The following TRIO variants were observed in gnomAD, a reference collection of about 807,000 sequenced individuals.
TRIO encodes the protein trio Rho guanine nucleotide exchange factor, also known as triple functional domain protein.
In TRIO, 58 loss-of-function variants were observed where a neutral mutation model predicts 351.9. That is an observed-to-expected ratio of 0.16 (90% confidence interval 0.13 to 0.21). The LOEUF is 0.21. Ranked by LOEUF, TRIO falls within the 10% of genes least tolerant of loss-of-function variation. The probability of loss-of-function intolerance (pLI) is 1.00; values close to 1 mark genes in which losing one functional copy is unlikely to be tolerated. For synonymous variants in TRIO, 1,758 were observed against 1,595.7 expected, an observed-to-expected ratio of 1.10 and a Z score of -2.42; for missense variants, 3,201 against 4,027.8, an observed-to-expected ratio of 0.79 and a Z score of 5.56.
chr5:14,233,483 CTCTG>C (rs1196651070), intron 1 of TRIO, among the ~76,000 whole-genome samples: 1 of 151,836 alleles, frequency 6.6e-6, no homozygotes, highest in African/African-American at 2.4e-5. Context: ...GAATGAGACT[CTCTG>C]TCAAAAGAAA....
intron 53 of TRIO, among the ~76,000 whole-genome samples, chr5:14,501,437 G>A (rs987209821): frequency 6.6e-6 from 1 of 152,238 alleles, no homozygotes; most frequent in African/African-American, 2.4e-5. Flanking sequence ...GTTTCTGGGA[G>A]GCTGCAGAGG....
intron 33 of TRIO, among the ~76,000 whole-genome samples, chr5:14,411,803 A>C (rs191908157): frequency 1.3e-4 from 19 of 151,840 alleles, no homozygotes; most frequent in Non-Finnish European, 1.5e-4. Context: ...GACAGTATCG[A>C]ACTGTGTTTC....
At chr5:14,480,102 GGGGA>G in intron 43 of TRIO, 91 bp downstream of exon 43, 2 of 1,186,212 alleles carry the variant, frequency 1.7e-6, no homozygotes, top group Non-Finnish European at 2.5e-6. Context: ...TGGTAGGACA[GGGGA>G]ATCATCTGTG....
intron 9 of TRIO, among the ~76,000 whole-genome samples, chr5:14,321,660 A>T (rs1174959193): frequency 6.6e-6 from 1 of 152,170 alleles, no homozygotes; most frequent in African/African-American, 2.4e-5. Flanking sequence ...AAGGCCAGGA[A>T]CCTGGTTAGG....
chr5:14,504,153 C>T (rs1008419965), intron 54 of TRIO, among the ~76,000 whole-genome samples: 22 of 152,300 alleles, frequency 1.4e-4, no homozygotes, highest in African/African-American at 3.8e-4. Context: ...AAGCAGCCAC[C>T]GACGTGAGGA....
intron 2 of TRIO, among the ~76,000 whole-genome samples, chr5:14,279,358 T>A (rs1001262988): frequency 8.8e-6 from 1 of 113,922 alleles, no homozygotes; most frequent in African/African-American, 2.6e-5. Context: ...ATCTTCTGGG[T>A]TTTTTTTTAT....
chr5:14,395,713 A>G (rs776298035), intron 28 of TRIO, among the ~76,000 whole-genome samples: 60 of 152,208 alleles, frequency 3.9e-4, no homozygotes, highest in Non-Finnish European at 6.3e-4. Context: ...GTTGACTACC[A>G]AGACACAAAA....
At chr5:14,256,877 T>G (rs1795048457) in intron 1 of TRIO, among the ~76,000 whole-genome samples, 1 of 152,182 alleles carries the variant, frequency 6.6e-6, no homozygotes, top group Non-Finnish European at 1.5e-5. Flanking sequence ...GAAGGAAAAC[T>G]TAGTGTGGCT....
At chr5:14,177,293 T>G (rs1324506319) in intron 1 of TRIO, among the ~76,000 whole-genome samples, 2 of 152,250 alleles carry the variant, frequency 1.3e-5, no homozygotes, top group Non-Finnish European at 2.9e-5. Flanking sequence ...AAGGGCACTT[T>G]TAAATTTTTT....
chr5:14,284,728 G>T (rs1196995278), intron 3 of TRIO, among the ~76,000 whole-genome samples: 1 of 152,190 alleles, frequency 6.6e-6, no homozygotes, highest in African/African-American at 2.4e-5. Flanking sequence ...AATTTATCTT[G>T]ATATGGTGAA....
At chr5:14,267,838 A>G (rs192705195) in intron 1 of TRIO, among the ~76,000 whole-genome samples, 1 of 152,240 alleles carries the variant, frequency 6.6e-6, no homozygotes, top group Admixed American at 6.5e-5. Context: ...GACAAACTCA[A>G]GTTTCTTTGT....
At chr5:14,488,819 C>T (rs1466241371) in intron 48 of TRIO, 15 of 654,650 alleles carry the variant, frequency 2.3e-5, no homozygotes, top group Admixed American at 6.9e-5. Context: ...GAACGCTTTA[C>T]GTCACCGTGT....
intron 33 of TRIO, among the ~76,000 whole-genome samples, chr5:14,415,652 A>T (rs769469730): frequency 2.6e-5 from 4 of 152,196 alleles, no homozygotes; most frequent in Admixed American, 2.6e-4. Context: ...GCAACCAGAG[A>T]TGAGTATTTC....
chr5:14,311,029 G>A (rs1170021511), intron 8 of TRIO, among the ~76,000 whole-genome samples: 3 of 152,216 alleles, frequency 2.0e-5, no homozygotes. Flanking sequence ...AAAGATCGCA[G>A]TGTTGCTGTA....
chr5:14,227,769 T>A (rs1342282664), intron 1 of TRIO, among the ~76,000 whole-genome samples: 1 of 152,256 alleles, frequency 6.6e-6, no homozygotes, highest in Non-Finnish European at 1.5e-5. Flanking sequence ...TTAGGTTGTT[T>A]ACTAATTTAG....
chr5:14,448,560 G>A (rs1296111995), intron 34 of TRIO, among the ~76,000 whole-genome samples: 2 of 152,230 alleles, frequency 1.3e-5, no homozygotes. Flanking sequence ...GCGGGCAGTG[G>A]GGCCACTCCC....
At chr5:14,219,903 T>C (rs1792485079) in intron 1 of TRIO, among the ~76,000 whole-genome samples, 1 of 152,028 alleles carries the variant, frequency 6.6e-6, no homozygotes. Context: ...TCAGAGTTCA[T>C]TGCACATATC....
intron 9 of TRIO, among the ~76,000 whole-genome samples, chr5:14,318,310 C>T (rs1739561140): frequency 7.1e-6 from 1 of 141,684 alleles, no homozygotes; most frequent in South Asian, 2.2e-4. Flanking sequence ...AAAAAATTAG[C>T]CTGGCGTGCT....
chr5:14,360,591 T>A (rs748000996), intron 13 of TRIO, among the ~76,000 whole-genome samples: 3 of 152,236 alleles, frequency 2.0e-5, no homozygotes, highest in Non-Finnish European at 2.9e-5. Context: ...GCACTCAGGC[T>A]GGGGATGGCA....
Sources: allele counts gnomAD v4.1 joint callset (sites outside exome capture counted in the v4.1 genomes callset), GRCh38; gene constraint gnomAD v4.1.1; transcripts MANE v1.5; gene names NCBI Gene and HGNC (gene_info 2026-07-23, HGNC 2026-07-21).